Variants in DNMBP observed in about 807,000 individuals in gnomAD.
DNMBP encodes the protein dynamin binding protein.
DNMBP carries 87 observed loss-of-function variants against 150.0 expected under a neutral mutation model. That is an observed-to-expected ratio of 0.58 (90% CI 0.49 to 0.69). The LOEUF is 0.69. Among genes scored for constraint, DNMBP ranks in the 30% least tolerant of loss-of-function variants. The pLI is 0.00. For synonymous variants in DNMBP, 711 were observed against 750.4 expected (o/e 0.95, Z 0.86); for missense variants, 1,774 against 1,949.0 (o/e 0.91, Z 1.69).
At chr10:99,885,147 T>G (rs972771899) in intron 14 of DNMBP, among the ~76,000 whole-genome samples, 26 of 152,128 alleles carry the variant, frequency 1.7e-4, no homozygotes, top group African/African-American at 6.3e-4. Flanking sequence ...CCTGGCAGAA[T>G]TAATATACCC....
chr10:99,975,434 A>G (rs2040718169), intron 1 of DNMBP, among the ~76,000 whole-genome samples: 1 of 152,200 alleles, frequency 6.6e-6, no homozygotes, highest in Admixed American at 6.5e-5. Context: ...ATCATTTAGT[A>G]TATTAATATG....
At chr10:99,970,244 AAC>A (rs2040660554) in intron 2 of DNMBP, among the ~76,000 whole-genome samples, 1 of 152,222 alleles carries the variant, frequency 6.6e-6, no homozygotes, top group Non-Finnish European at 1.5e-5. Flanking sequence ...GTTAAGTGTC[AAC>A]AGAGTGTGCT....
intron 3 of DNMBP, among the ~76,000 whole-genome samples, chr10:99,960,666 TG>T (rs61403359): frequency 1.4e-4 from 22 of 151,742 alleles, no homozygotes; most frequent in Non-Finnish European, 4.4e-5. Context: ...ATTAGCCAGG[TG>T]GGGGGGTGCA....
intron 15 of DNMBP, 29 bp from the exon 16 acceptor site, chr10:99,880,390 G>T: frequency 6.6e-7 from 1 of 1,525,196 alleles, no homozygotes; most frequent in South Asian, 1.3e-5. Context: ...ATATAAACAA[G>T]AACTCTTAGC....
intron 15 of DNMBP, among the ~76,000 whole-genome samples, chr10:99,882,573 G>A (rs1201553596): frequency 6.6e-6 from 1 of 152,116 alleles, no homozygotes; most frequent in African/African-American, 2.4e-5. Context: ...GACAAAGCTA[G>A]ACCCTATCTC....
At chr10:99,883,638 C>CAAAAAAAAAAAAAAAAAAAAAAAAA (rs71009782) in intron 15 of DNMBP, among the ~76,000 whole-genome samples, 4 of 65,618 alleles carry the variant, frequency 6.1e-5, no homozygotes, top group African/African-American at 1.5e-4. Flanking sequence ...AAGACTGCCA[C>CAAAAAAAAAAAAAAAAAAAAAAAAA]AAAAAAAAAA....
At chr10:99,880,963 T>C (rs1369109118) in intron 15 of DNMBP, among the ~76,000 whole-genome samples, 1 of 152,180 alleles carries the variant, frequency 6.6e-6, no homozygotes. Context: ...CAGTGGCTCA[T>C]ACCTGTAATC....
At chr10:99,986,507 T>A (rs2133371703) in intron 1 of DNMBP, among the ~76,000 whole-genome samples, 1 of 141,006 alleles carries the variant, frequency 7.1e-6, no homozygotes, top group South Asian at 2.2e-4. Context: ...AAAGAAAAAG[T>A]ACAAAGCCCC....
rs1017408301 is a variant in DNMBP, at chr10:99,971,612, C to T, written c.145+368G>A. 2.0e-5 allele frequency among the ~76,000 whole-genome samples: 3 copies of T among 152,220 alleles called. No homozygotes were observed. The South Asian group carries it at 6.2e-4, about 32-fold the overall frequency. On this transcript the variant is annotated intron_variant, in intron 2 of 16. Transcript: ENST00000324109. Reference sequence around the variant, plus strand: ...TCTCAACTCACTGCAATCTTCACCTCCTGGGTTCAAGCAATTCTCCAGCCT... The same window carrying T: ...TCTCAACTCACTGCAATCTTCACCTTCTGGGTTCAAGCAATTCTCCAGCCT...
At chr10:99,960,213 A>C (rs928945656) in intron 3 of DNMBP, among the ~76,000 whole-genome samples, 16 of 152,178 alleles carry the variant, frequency 1.1e-4, no homozygotes, top group Admixed American at 7.2e-4. Flanking sequence ...AATTACTCTA[A>C]TTTTATCAAC....
rs2040012308 is a variant in DNMBP at position 99,920,538 on chromosome 10, CAG to C, written c.2261-11394_2261-11393del. On this transcript the variant is annotated intron_variant, in intron 4 of 16. Coordinates refer to ENST00000324109, the MANE Select transcript of DNMBP (RefSeq NM_015221.4). ...CAGCAGGTGTGGTGAATAAAGCACTCAGACAATAATTCAGAAGGCCTCACCCT... is the reference window on the plus strand; with the variant it reads ...CAGCAGGTGTGGTGAATAAAGCACTCACAATAATTCAGAAGGCCTCACCCT... Among the ~76,000 whole-genome samples, 15 of 152,232 alleles carry C rather than the reference CAG, an allele frequency of 9.9e-5. No individual in the cohort carries two copies. The South Asian group carries it at 2.9e-3, about 29-fold the overall frequency.
At chr10:99,987,023 C>T (rs1271365941) in intron 1 of DNMBP, among the ~76,000 whole-genome samples, 3 of 151,748 alleles carry the variant, frequency 2.0e-5, no homozygotes, top group East Asian at 1.9e-4. Flanking sequence ...GGTGTGGTGG[C>T]GGGCACCTGT....
intron 4 of DNMBP, among the ~76,000 whole-genome samples, chr10:99,943,309 A>C (rs77541773): frequency 6.6e-6 from 1 of 152,122 alleles, no homozygotes; most frequent in Non-Finnish European, 1.5e-5. Context: ...AAAAAAAAAA[A>C]ACACAGAATG....
At chr10:99,924,154 G>C (rs7086960) in intron 4 of DNMBP, among the ~76,000 whole-genome samples, 1 of 151,500 alleles carries the variant, frequency 6.6e-6, no homozygotes, top group African/African-American at 2.4e-5. Flanking sequence ...GCTCCAGGCC[G>C]GGTGCGGTGG....
At chr10:99,943,669 C>T (rs115966279) in intron 4 of DNMBP, among the ~76,000 whole-genome samples, 22 of 152,286 alleles carry the variant, frequency 1.4e-4, no homozygotes, top group African/African-American at 5.1e-4. Flanking sequence ...GAGGCATGAA[C>T]TACCACACAC....
intron 6 of DNMBP, among the ~76,000 whole-genome samples, chr10:99,905,914 G>A (rs1222586410): frequency 1.3e-5 from 2 of 152,176 alleles, no homozygotes; most frequent in African/African-American, 2.4e-5. Context: ...GGCTGTGGGT[G>A]AGCTGTCATT....
chr10:99,925,141 T>C (rs1054716251), intron 4 of DNMBP, among the ~76,000 whole-genome samples: 1 of 152,218 alleles, frequency 6.6e-6, no homozygotes, highest in Admixed American at 6.5e-5. Flanking sequence ...TTTTTTTTTC[T>C]GTGCACTCTG....
intron 3 of DNMBP, among the ~76,000 whole-genome samples, chr10:99,965,067 T>A (rs916835759): frequency 6.6e-6 from 1 of 152,016 alleles, no homozygotes; most frequent in Non-Finnish European, 1.5e-5. Context: ...AGAAACAAGA[T>A]ACCCAAAGCA....
In DNMBP at chr10:99,953,813, C is replaced by CA. The variant is rs747545477; in HGVS notation, c.2260+1400dup. Among the ~76,000 whole-genome samples, 155 of 50,452 alleles carry CA rather than the reference C, an allele frequency of 3.1e-3. 3 individuals are homozygous for CA. Among genetic ancestry groups the CA allele is most frequent in the African/African-American group, 0.01 (90 of 8,960 alleles). 33.1% of individuals were successfully genotyped at this position (50,452 alleles called of 152,430 possible). ...TGGGTGACAGAGTAAGACTCTGTCT[C>CA]AAAAAAAAAAAGAAAAAAAAGAAAT... On this transcript the variant is annotated intron_variant, in intron 4 of 16. Coordinates refer to ENST00000324109, the MANE Select transcript of DNMBP (RefSeq NM_015221.4).
Sources: allele counts gnomAD v4.1 joint callset (sites outside exome capture counted in the v4.1 genomes callset), GRCh38; gene constraint gnomAD v4.1.1; transcripts MANE v1.5; gene names NCBI Gene and HGNC (gene_info 2026-07-23, HGNC 2026-07-21).